SMC5: variants seen among roughly 807,000 people sequenced by gnomAD.
The protein encoded by SMC5 is structural maintenance of chromosomes 5.
In SMC5, 88 loss-of-function variants were observed where a neutral mutation model predicts 148.3. The observed-to-expected ratio is 0.59, with a 90% confidence interval of 0.50 to 0.71. SMC5 has a LOEUF of 0.71. Among genes scored for constraint, SMC5 ranks in the 30% least tolerant of loss-of-function variants. The pLI is 0.00. For missense variants in SMC5, 1,142 were observed against 1,298.9 expected (o/e 0.88, Z 1.86); for synonymous variants, 421 against 432.8 (o/e 0.97, Z 0.34).
chr9:70,325,024 T>C (rs2036042172), intron 17 of SMC5, among the ~76,000 whole-genome samples: 1 of 152,142 alleles, frequency 6.6e-6, no homozygotes, highest in Non-Finnish European at 1.5e-5. Flanking sequence ...TGGGGTTTCA[T>C]TATATAGACA....
At chr9:70,326,385 A>G (rs1209251359) in intron 17 of SMC5, among the ~76,000 whole-genome samples, 1 of 152,104 alleles carries the variant, frequency 6.6e-6, no homozygotes, top group Non-Finnish European at 1.5e-5. Flanking sequence ...ACGTAAATGG[A>G]TGAGCAAAGG....
intron 17 of SMC5, among the ~76,000 whole-genome samples, chr9:70,328,044 C>T (rs187631830): frequency 1.1e-4 from 17 of 152,240 alleles, no homozygotes; most frequent in African/African-American, 4.1e-4. Context: ...CTCACTATCA[C>T]AAGAACTACA....
intron 8 of SMC5, among the ~76,000 whole-genome samples, chr9:70,295,149 CAA>C (rs992294900): frequency 1.3e-4 from 19 of 151,950 alleles, no homozygotes; most frequent in African/African-American, 4.4e-4. Flanking sequence ...CAGAAATAGC[CAA>C]GTTTCCATTA....
At chr9:70,303,466 G>A (rs999496752) in intron 10 of SMC5, among the ~76,000 whole-genome samples, 9 of 152,020 alleles carry the variant, frequency 5.9e-5, no homozygotes, top group Non-Finnish European at 7.4e-5. Flanking sequence ...CGAAACAATA[G>A]GCTGATTGTT....
intron 7 of SMC5, among the ~76,000 whole-genome samples, chr9:70,285,102 C>T (rs1357772128): frequency 6.6e-6 from 1 of 152,096 alleles, no homozygotes; most frequent in Admixed American, 6.5e-5. Flanking sequence ...AGCATACATA[C>T]ATCAGTGTTA....
At chr9:70,267,806 C>T (rs2034331646) in intron 2 of SMC5, 117 bp from the exon 3 acceptor site, 2 of 791,626 alleles carry the variant, frequency 2.5e-6, no homozygotes, top group Admixed American at 5.0e-5. Context: ...CAGGAGCGAA[C>T]ATACAAGTGG....
At chr9:70,293,333 TCC>T (rs534836104) in intron 8 of SMC5, among the ~76,000 whole-genome samples, 195 of 147,392 alleles carry the variant, frequency 1.3e-3, no homozygotes, top group African/African-American at 4.6e-3. Flanking sequence ...ATTCCCCCTC[TCC>T]CCCACCCCCC....
At position 70,295,191 on chromosome 9, in the gene SMC5, C is replaced by T. The variant is rs72712294; in HGVS notation, c.1054-2775C>T. ...AAGAAGAGGGAACATTCAGGCGGGG[C>T]GCGGTGGCTCACACCTGTAATCCCA... On this transcript the variant is annotated intron_variant, in intron 8 of 24. Transcript: ENST00000361138. Among the ~76,000 whole-genome samples, 523 of 151,730 alleles carry T rather than the reference C, an allele frequency of 3.4e-3. 1 individual carries two copies. Among genetic ancestry groups the T allele is most frequent in the Non-Finnish European group, 5.3e-3 (357 of 67,924 alleles).
intron 17 of SMC5, 137 bp from the exon 18 acceptor site, chr9:70,344,004 CATT>C: frequency 4.1e-6 from 2 of 489,238 alleles, no homozygotes; most frequent in East Asian, 3.9e-5. Context: ...TAAAAAGAGT[CATT>C]ATTTAAGAAA....
chr9:70,284,442 C>G (rs1249262765), intron 7 of SMC5, among the ~76,000 whole-genome samples: 1 of 151,984 alleles, frequency 6.6e-6, no homozygotes, highest in South Asian at 2.1e-4. Context: ...AATTGGCAGT[C>G]GTTGTTATGT....
chr9:70,328,897 C>T (rs2036152793), intron 17 of SMC5, among the ~76,000 whole-genome samples: 1 of 152,236 alleles, frequency 6.6e-6, no homozygotes, highest in Admixed American at 6.5e-5. Flanking sequence ...CAAACCTCAA[C>T]TCTTGCCTTC....
chr9:70,344,159 T>C lies in SMC5; in HGVS notation c.2413T>C (p.Leu805=). 1 of 1,525,780 alleles carries C rather than the reference T, an allele frequency of 6.6e-7. No homozygotes were observed. The highest frequency in any genetic ancestry group is 8.8e-7 in the Non-Finnish European group (1 of 1,135,900). The allele number at this position is 1,525,780 out of a possible 1,614,324, so 94.5% of individuals were successfully genotyped here. A position where few individuals can be genotyped will look rare whatever the true frequency, so the allele number is the denominator to read the frequency against. The change falls in exon 18 of 25, where the codon TTG becomes CTG. Residue 805 remains leucine, a synonymous_variant. Coordinates refer to ENST00000361138, the MANE Select transcript of SMC5 (RefSeq NM_015110.4). ...TTTTTAATAGCAACATTTCATTGAATTGGATGAAAATAGACAGAGATTATT... is the reference window on the plus strand; with the variant it reads ...TTTTTAATAGCAACATTTCATTGAACTGGATGAAAATAGACAGAGATTATT... ...LRLTEQHFIE[L]DENRQRLLQK...
intron 3 of SMC5, 87 bp downstream of exon 3, chr9:70,268,062 A>G (rs2034341132): frequency 2.0e-6 from 2 of 995,938 alleles, no homozygotes; most frequent in Non-Finnish European, 3.0e-6. Flanking sequence ...AAAGAGTATT[A>G]ATATAGTATT....
At chr9:70,347,194 C>T (rs776584534) in intron 20 of SMC5, 33 bp downstream of exon 20, 20 of 1,556,218 alleles carry the variant, frequency 1.3e-5, no homozygotes, top group Non-Finnish European at 1.4e-5. Context: ...ATTCTGCATC[C>T]AACCACCACC....
intron 11 of SMC5, among the ~76,000 whole-genome samples, chr9:70,309,260 GA>G (rs2035591673): frequency 7.2e-6 from 1 of 138,824 alleles, no homozygotes; most frequent in East Asian, 2.3e-4. Flanking sequence ...TTTCACAAAA[GA>G]TTTCTCTGTA....
chr9:70,281,774 G>A (rs1367992373), intron 6 of SMC5, among the ~76,000 whole-genome samples: 2 of 151,562 alleles, frequency 1.3e-5, no homozygotes, highest in Non-Finnish European at 2.9e-5. Context: ...TATTTTTCCT[G>A]TGTCCATTAT....
chr9:70,347,165 T>C lies in SMC5; in HGVS notation c.2664+4T>C. On this transcript the variant is annotated splice_donor_region_variant and intron_variant, in intron 20 of 24. Coordinates refer to ENST00000361138, the MANE Select transcript of SMC5 (RefSeq NM_015110.4). ...CTTCACGGGACTGAATCCTACAGTA[T>C]GCCTGTTTCTCTATTCCCATTCTGC... 6.2e-7 allele frequency: 1 copy of C among 1,612,178 alleles called. No individual in the cohort carries two copies. Among genetic ancestry groups the C allele is most frequent in the Admixed American group, 1.7e-5 (1 of 59,938 alleles).
chr9:70,327,545 T>C (rs1229067331), intron 17 of SMC5, among the ~76,000 whole-genome samples: 1 of 152,174 alleles, frequency 6.6e-6, no homozygotes, highest in Non-Finnish European at 1.5e-5. Flanking sequence ...TTGGTCGCTT[T>C]GGAGGATACT....
intron 8 of SMC5, among the ~76,000 whole-genome samples, chr9:70,287,232 A>G (rs1405225765): frequency 2.0e-5 from 3 of 152,112 alleles, no homozygotes; most frequent in Non-Finnish European, 2.9e-5. Flanking sequence ...AAAAGTTTTT[A>G]AAGTTTTTTT....
Sources: gnomAD v4.1 joint callset for allele counts (sites outside exome capture counted in the v4.1 genomes callset) on GRCh38, gnomAD v4.1.1 for gene constraint, MANE v1.5 for transcripts, NCBI Gene and HGNC (gene_info 2026-07-23, HGNC 2026-07-21) for gene names.